The following CTDSPL2 variants were observed in gnomAD, a reference collection of about 807,000 sequenced individuals.
CTDSPL2 encodes CTD small phosphatase like 2, also known as CTD small phosphatase-like protein 2.
In CTDSPL2, 5 loss-of-function variants were observed where a neutral mutation model predicts 60.0. That is an observed-to-expected ratio of 0.08 (90% CI 0.04 to 0.18). The LOEUF (loss-of-function observed/expected upper bound fraction) is 0.18. Among genes scored for constraint, CTDSPL2 ranks in the 10% least tolerant of loss-of-function variants. The pLI, the probability that CTDSPL2 is intolerant of heterozygous loss-of-function variation, is 1.00. For synonymous variants in CTDSPL2, 186 were observed against 189.3 expected, an observed-to-expected ratio of 0.98 and a Z score of 0.14; for missense variants, 370 against 548.8, an observed-to-expected ratio of 0.67 and a Z score of 3.26.
rs142798361 is a variant in CTDSPL2, at chr15:44,494,846, G to A, written c.692-1534G>A. 4.3e-3 allele frequency among the ~76,000 whole-genome samples: 650 copies of A among 150,742 alleles called. 4 individuals are homozygous for A. The highest frequency in any genetic ancestry group is 0.015 in the African/African-American group (629 of 41,054). On this transcript the variant is annotated intron_variant, in intron 5 of 12. Coordinates refer to ENST00000260327, the MANE Select transcript of CTDSPL2 (RefSeq NM_016396.3). Reference sequence around the variant, plus strand: ...CAGGAGATTTGCTTGAACCGGTGAGGCGGAGGTTACAGTGAGCCCAGATCG... The same window carrying A: ...CAGGAGATTTGCTTGAACCGGTGAGACGGAGGTTACAGTGAGCCCAGATCG...
chr15:44,459,589 G>T (rs992107887), intron 2 of CTDSPL2, among the ~76,000 whole-genome samples: 1 of 151,544 alleles, frequency 6.6e-6, no homozygotes, highest in African/African-American at 2.4e-5. Context: ...ATCTGATAGC[G>T]CACCAAAAAC....
intron 2 of CTDSPL2, among the ~76,000 whole-genome samples, chr15:44,459,444 T>C (rs753121885): frequency 6.6e-6 from 1 of 152,084 alleles, no homozygotes; most frequent in Admixed American, 6.5e-5. Context: ...GGAGAATGGC[T>C]TGAACCCTAG....
intron 1 of CTDSPL2, among the ~76,000 whole-genome samples, chr15:44,433,297 A>C (rs1357269981): frequency 6.7e-6 from 1 of 148,606 alleles, no homozygotes; most frequent in Non-Finnish European, 1.5e-5. Context: ...CCAGTCTTCC[A>C]GCCTGGGTAA....
chr15:44,523,085 CTCCCA>C (rs1349799915), intron 12 of CTDSPL2, among the ~76,000 whole-genome samples: 1 of 152,086 alleles, frequency 6.6e-6, no homozygotes, highest in East Asian at 2.0e-4. Flanking sequence ...CAGCCTCCGC[CTCCCA>C]TGTTCAAGGG....
In CTDSPL2 at chr15:44,525,290, C is replaced by T. The variant is rs1281827999; in HGVS notation, c.*1116C>T. On this transcript the variant is annotated 3_prime_UTR_variant, in exon 13 of 13. Coordinates refer to ENST00000260327, the MANE Select transcript of CTDSPL2 (RefSeq NM_016396.3). ...CATAATCCTGTGGCACAGTACACTC[C>T]CAAGCCACCAATGCAGTTAATATGC... The T allele has an allele frequency of 2.5e-6, 1 of 397,486 alleles. No homozygotes were observed. The highest frequency in any genetic ancestry group is 4.4e-6 in the Non-Finnish European group (1 of 225,302). The allele number at this position is 397,486 out of a possible 1,614,324, so 24.6% of individuals were successfully genotyped here.
intron 8 of CTDSPL2, among the ~76,000 whole-genome samples, chr15:44,500,103 T>A (rs1307930345): frequency 1.3e-5 from 2 of 152,220 alleles, no homozygotes; most frequent in Admixed American, 6.5e-5. Flanking sequence ...ACATCATAGA[T>A]CCTCAAGAGG....
At chr15:44,495,215 C>T (rs2081278329) in intron 5 of CTDSPL2, among the ~76,000 whole-genome samples, 1 of 152,134 alleles carries the variant, frequency 6.6e-6, no homozygotes, top group South Asian at 2.1e-4. Flanking sequence ...GGTGATCCGC[C>T]TGCCTTGGCC....
chr15:44,494,130 TGTAAG>T (rs1448303933), intron 5 of CTDSPL2, among the ~76,000 whole-genome samples: 1 of 152,224 alleles, frequency 6.6e-6, no homozygotes, highest in Non-Finnish European at 1.5e-5. Context: ...CTATTTGGCT[TGTAAG>T]TTACCTTTGT....
intron 7 of CTDSPL2, among the ~76,000 whole-genome samples, chr15:44,499,365 A>G (rs1159721491): frequency 4.6e-5 from 7 of 152,294 alleles, no homozygotes; most frequent in East Asian, 3.9e-4. Flanking sequence ...AGATCGCACC[A>G]CTGCACTCCA....
intron 12 of CTDSPL2, among the ~76,000 whole-genome samples, chr15:44,522,055 G>T (rs1428624944): frequency 1.3e-5 from 2 of 151,748 alleles, no homozygotes; most frequent in African/African-American, 4.8e-5. Flanking sequence ...CTTTTTTGAG[G>T]CAGGGTCTTG....
chr15:44,480,179 C>A (rs2140771299), intron 2 of CTDSPL2, among the ~76,000 whole-genome samples: 1 of 152,212 alleles, frequency 6.6e-6, no homozygotes, highest in African/African-American at 2.4e-5. Context: ...TCAATTCTAG[C>A]CATAGACCCC....
chr15:44,455,950 A>T (rs1181538678), intron 1 of CTDSPL2, among the ~76,000 whole-genome samples: 1 of 136,796 alleles, frequency 7.3e-6, no homozygotes, highest in African/African-American at 2.8e-5. Flanking sequence ...CCTGGGGTTC[A>T]CGCCATTCTC....
intron 1 of CTDSPL2, among the ~76,000 whole-genome samples, chr15:44,442,601 A>G (rs568979946): frequency 6.6e-6 from 1 of 152,216 alleles, no homozygotes; most frequent in East Asian, 1.9e-4. Flanking sequence ...GGTAGGAGGC[A>G]AATTTTACTT....
chr15:44,438,495 A>G (rs1415140674), intron 1 of CTDSPL2, among the ~76,000 whole-genome samples: 2 of 152,174 alleles, frequency 1.3e-5, no homozygotes, highest in South Asian at 2.1e-4. Context: ...GATTGACTAT[A>G]TAAGATAAGG....
At chr15:44,514,718 T>A (rs2081620926) in intron 9 of CTDSPL2, 47 bp from the exon 10 acceptor site, 1 of 1,517,396 alleles carries the variant, frequency 6.6e-7, no homozygotes, top group Non-Finnish European at 9.1e-7. Flanking sequence ...ATAGTACCCA[T>A]ATTTAGACCA....
rs2080331001 is a variant in CTDSPL2, at chr15:44,451,340, G to A, written c.-24-7651G>A. Among the ~76,000 whole-genome samples, 3 of 151,834 alleles carry A rather than the reference G, an allele frequency of 2.0e-5. No homozygotes were observed. The South Asian group carries it at 6.2e-4, about 31-fold the overall frequency. Reference sequence around the variant, plus strand: ...GCCCAAGCTGGTCTAGAATTCCTGGGCTCAAGCAATCCTCCCGCCTCAGCC... The same window carrying A: ...GCCCAAGCTGGTCTAGAATTCCTGGACTCAAGCAATCCTCCCGCCTCAGCC... On this transcript the variant is annotated intron_variant, in intron 1 of 12. Transcript: ENST00000260327.
chr15:44,459,424 G>C (rs2080516839), intron 2 of CTDSPL2, among the ~76,000 whole-genome samples: 1 of 152,164 alleles, frequency 6.6e-6, no homozygotes, highest in East Asian at 1.9e-4. Flanking sequence ...CTACTCGGGA[G>C]GCTGAGGCAG....
intron 1 of CTDSPL2, among the ~76,000 whole-genome samples, chr15:44,436,564 C>T (rs775851025): frequency 5.3e-5 from 8 of 152,194 alleles, no homozygotes; most frequent in Non-Finnish European, 1.0e-4. Context: ...AGAATGATTG[C>T]ATGACTTAAG....
At chr15:44,486,379 C>T (rs1309576543) in intron 3 of CTDSPL2, among the ~76,000 whole-genome samples, 172 bp from the exon 4 acceptor site, 5 of 152,122 alleles carry the variant, frequency 3.3e-5, no homozygotes, top group Admixed American at 1.3e-4. Context: ...ATTTGACTTA[C>T]GAGTAATTTA....
Sources: gnomAD v4.1 joint callset for allele counts (sites outside exome capture counted in the v4.1 genomes callset) on GRCh38, gnomAD v4.1.1 for gene constraint, MANE v1.5 for transcripts, NCBI Gene and HGNC (gene_info 2026-07-23, HGNC 2026-07-21) for gene names.